The following COX10 variants were observed in gnomAD, a reference collection of about 807,000 sequenced individuals.
The protein encoded by COX10 is cytochrome c oxidase assembly factor heme A:farnesyltransferase COX10.
COX10 carries 27 observed loss-of-function variants against 37.3 expected under a neutral mutation model. The ratio of observed to expected loss-of-function variants is 0.72; its 90% CI spans 0.53 to 1.00. The LOEUF (loss-of-function observed/expected upper bound fraction) is 1.00, where lower values mean the gene tolerates loss of function less well. COX10 is among the 50% of genes least tolerant of loss of function. The pLI, the probability that COX10 is intolerant of heterozygous loss-of-function variation, is 0.00. For synonymous variants in COX10, 222 were observed against 229.1 expected (o/e 0.97, Z 0.28); for missense variants, 475 against 563.2 (o/e 0.84, Z 1.59).
intron 6 of COX10, among the ~76,000 whole-genome samples, chr17:14,198,478 C>G (rs1009804871): frequency 6.6e-6 from 1 of 152,120 alleles, no homozygotes; most frequent in Non-Finnish European, 1.5e-5. Flanking sequence ...ATTGGGCCTT[C>G]GTAATGACCA....
chr17:14,120,814 G>A (rs1916213349), intron 4 of COX10, among the ~76,000 whole-genome samples: 1 of 152,136 alleles, frequency 6.6e-6, no homozygotes, highest in South Asian at 2.1e-4. Context: ...GGAATATAGT[G>A]TCCCAAGATT....
intron 5 of COX10, 53 bp from the exon 6 acceptor site, chr17:14,191,936 G>C: frequency 6.3e-7 from 1 of 1,589,532 alleles, no homozygotes; most frequent in Non-Finnish European, 8.6e-7. Flanking sequence ...TTTAGGTAGT[G>C]TGATTGAGTT....
intron 6 of COX10, among the ~76,000 whole-genome samples, chr17:14,196,295 T>C (rs983815713): frequency 6.6e-6 from 1 of 152,124 alleles, no homozygotes; most frequent in African/African-American, 2.4e-5. Context: ...AGGCAGGTAA[T>C]CAAATGATTG....
rs2261103 is a variant in COX10, at chr17:14,192,805, G to C, written c.928+584G>C. Reference sequence around the variant, plus strand: ...GGTGAAAATAGCTCATTTTTACCATGTGTAAGGGAAGTTTCACAGTCTAAT... The same window carrying C: ...GGTGAAAATAGCTCATTTTTACCATCTGTAAGGGAAGTTTCACAGTCTAAT... On this transcript the variant is annotated intron_variant, in intron 6 of 6. Transcript: ENST00000261643. Among the ~76,000 whole-genome samples the C allele has an allele frequency of 8.7e-3, 1,300 of 148,970 alleles. 13 individuals are homozygous for C. The highest frequency in any genetic ancestry group is 0.031 in the African/African-American group (1,228 of 39,442).
At chr17:14,144,634 G>A (rs910407804) in intron 4 of COX10, among the ~76,000 whole-genome samples, 2 of 152,152 alleles carry the variant, frequency 1.3e-5, no homozygotes, top group Non-Finnish European at 2.9e-5. Flanking sequence ...AGAATGAACA[G>A]TTTTTAAAAC....
At chr17:14,134,544 T>C (rs1471549980) in intron 4 of COX10, among the ~76,000 whole-genome samples, 1 of 151,826 alleles carries the variant, frequency 6.6e-6, no homozygotes, top group Non-Finnish European at 1.5e-5. Flanking sequence ...TTTTGCTTTG[T>C]ATGTGGGACA....
chr17:14,082,349 A>G (rs1391347854), intron 3 of COX10, among the ~76,000 whole-genome samples: 1 of 152,196 alleles, frequency 6.6e-6, no homozygotes, highest in African/African-American at 2.4e-5. Flanking sequence ...CGTGAGAGTC[A>G]TTTTATTTGC....
At chr17:14,102,050 G>C (rs1454737412) in intron 3 of COX10, 68 bp from the exon 4 acceptor site, 15 of 1,600,566 alleles carry the variant, frequency 9.4e-6, no homozygotes, top group Non-Finnish European at 1.3e-5. Flanking sequence ...CTTGTTTTTT[G>C]TCGTTCTGGC....
At chr17:14,105,798 C>T (rs1436762409) in intron 4 of COX10, among the ~76,000 whole-genome samples, 4 of 152,060 alleles carry the variant, frequency 2.6e-5, no homozygotes, top group African/African-American at 9.7e-5. Flanking sequence ...TATATCTCAC[C>T]ACCCAAATAG....
intron 4 of COX10, among the ~76,000 whole-genome samples, chr17:14,121,406 C>G (rs74954912): frequency 0.021 from 3,239 of 152,260 alleles, 120 homozygotes; most frequent in African/African-American, 0.074. Context: ...AACTTAGTCA[C>G]TTGGGCTTCA....
intron 5 of COX10, among the ~76,000 whole-genome samples, chr17:14,181,239 C>G (rs1905848840): frequency 6.6e-6 from 1 of 152,188 alleles, no homozygotes; most frequent in Admixed American, 6.5e-5. Flanking sequence ...GCTAGATGCA[C>G]AGTTAATTAG....
chr17:14,169,579 C>T (rs1371384939), intron 5 of COX10, among the ~76,000 whole-genome samples: 1 of 152,196 alleles, frequency 6.6e-6, no homozygotes, highest in African/African-American at 2.4e-5. Context: ...AATTGACTCA[C>T]AGTTCCACAT....
At chr17:14,126,695 G>T (rs997757959) in intron 4 of COX10, among the ~76,000 whole-genome samples, 1 of 152,084 alleles carries the variant, frequency 6.6e-6, no homozygotes, top group African/African-American at 2.4e-5. Context: ...GGTGGCAGGG[G>T]ATGTCTGCTG....
At chr17:14,189,834 G>A (rs916986837) in intron 5 of COX10, among the ~76,000 whole-genome samples, 1 of 152,164 alleles carries the variant, frequency 6.6e-6, no homozygotes, top group Non-Finnish European at 1.5e-5. Flanking sequence ...GGCAAGGAAT[G>A]TGTGTGGTCC....
At chr17:14,121,952 G>A (rs554186557) in intron 4 of COX10, among the ~76,000 whole-genome samples, 1 of 152,086 alleles carries the variant, frequency 6.6e-6, no homozygotes, top group African/African-American at 2.4e-5. Flanking sequence ...GGTGTGGAGA[G>A]GCCTAGAATG....
chr17:14,153,253 C>A (rs1211953910), intron 4 of COX10, among the ~76,000 whole-genome samples: 2 of 152,146 alleles, frequency 1.3e-5, no homozygotes, highest in East Asian at 1.9e-4. Flanking sequence ...TTCCCTCTTA[C>A]AACCAAAAAA....
chr17:14,141,473 T>C, intron 4 of COX10, among the ~76,000 whole-genome samples: 1 of 134,476 alleles, frequency 7.4e-6, no homozygotes, highest in East Asian at 2.2e-4. Context: ...GAGGTTGCAG[T>C]GAGCTGAGAT....
At chr17:14,172,690 C>T (rs1318544167) in intron 5 of COX10, among the ~76,000 whole-genome samples, 4 of 151,376 alleles carry the variant, frequency 2.6e-5, no homozygotes, top group Admixed American at 6.6e-5. Flanking sequence ...TGATCCTCCC[C>T]GCTCAGCCTC....
At chr17:14,191,081 G>A (rs1906185843) in intron 5 of COX10, among the ~76,000 whole-genome samples, 1 of 151,964 alleles carries the variant, frequency 6.6e-6, no homozygotes, top group South Asian at 2.1e-4. Flanking sequence ...GCAGGCTTGA[G>A]TAACCTCCTT....
Sources: allele counts gnomAD v4.1 joint callset (sites outside exome capture counted in the v4.1 genomes callset), GRCh38; gene constraint gnomAD v4.1.1; transcripts MANE v1.5; gene names NCBI Gene and HGNC (gene_info 2026-07-23, HGNC 2026-07-21).